AIFM1: variants seen among roughly 807,000 people sequenced by gnomAD.
The protein encoded by AIFM1 is apoptosis-inducing factor 1, mitochondrial.
In AIFM1, 3 loss-of-function variants were observed where a neutral mutation model predicts 51.7. The ratio of observed to expected loss-of-function variants is 0.06; its 90% CI spans 0.03 to 0.15. The LOEUF is 0.15. Ranked by LOEUF, AIFM1 falls within the 10% of genes least tolerant of loss-of-function variation. The pLI, the probability that AIFM1 is intolerant of heterozygous loss-of-function variation, is 1.00. For synonymous variants in AIFM1, 178 were observed against 179.4 expected (o/e 0.99, Z 0.06); for missense variants, 330 against 476.8 (o/e 0.69, Z 2.87).
chrX:130,149,609 G>A, intron 2 of AIFM1, 41 bp from the exon 3 acceptor site: 2 of 930,210 alleles, frequency 2.2e-6, no homozygotes, highest in Non-Finnish European at 1.6e-6. Context: ...TCACCATACA[G>A]CTAGCTCATA....
chrX:130,137,767 A>G (rs1355959124), intron 9 of AIFM1: 2 of 1,006,222 alleles, frequency 2.0e-6, no homozygotes, highest in African/African-American at 2.0e-5. Context: ...GAAAGGAAAG[A>G]AAGTATTGCT....
intron 1 of AIFM1, among the ~76,000 whole-genome samples, chrX:130,161,609 C>CTTTT (rs1224200767): frequency 1.0e-5 from 1 of 96,576 alleles, no homozygotes. Context: ...ATTTATCAGC[C>CTTTT]TTTTTTTTTT....
At chrX:130,163,661 G>A in intron 1 of AIFM1, among the ~76,000 whole-genome samples, 1 of 112,231 alleles carries the variant, frequency 8.9e-6, no homozygotes, top group Non-Finnish European at 1.9e-5. Flanking sequence ...AAGACATGCA[G>A]TGGAAAAAAC....
rs1220988295 is a variant in AIFM1 at position 130,131,689 on chromosome X, G to A, written c.1559C>T (p.Ala520Val). 8.3e-7 allele frequency: 1 copy of A among 1,210,346 alleles called. No homozygotes were observed. Among genetic ancestry groups the A allele is most frequent in the African/African-American group, 1.7e-5 (1 of 57,277 alleles). ...GACTTTCTTACCTGACTGCTCTGTGGCAGATTTGGGGTTGTCTTGTGCAGT... is the reference window on the plus strand; with the variant it reads ...GACTTTCTTACCTGACTGCTCTGTGACAGATTTGGGGTTGTCTTGTGCAGT... ...KATAQDNPKS[A>V]TEQSGTGIRS... The change falls in exon 14 of 16, where the codon GCC (alanine) becomes GTC (valine). Residue 520 changes from alanine to valine, a missense_variant. This residue lies in a region of AIFM1 where 56 missense variants were observed against 48.8 expected (regional missense o/e 1.15). Coordinates refer to ENST00000287295, the MANE Select transcript of AIFM1 (RefSeq NM_004208.4).
intron 13 of AIFM1, among the ~76,000 whole-genome samples, chrX:130,132,340 G>A (rs973393026): frequency 2.7e-5 from 3 of 112,123 alleles, no homozygotes; most frequent in African/African-American, 6.5e-5. Context: ...ATATCCATGC[G>A]GTGATTGAAA....
intron 11 of AIFM1, 80 bp from the exon 12 acceptor site, chrX:130,136,265 C>T (rs2030333467): frequency 9.1e-7 from 1 of 1,104,715 alleles, no homozygotes; most frequent in African/African-American, 1.8e-5. Context: ...CCCTTCATGC[C>T]ATTAAGAATT....
chrX:130,161,525 A>C (rs634483), intron 1 of AIFM1, among the ~76,000 whole-genome samples: 5,344 of 107,698 alleles, frequency 0.05, 201 homozygotes, highest in African/African-American at 0.12. Flanking sequence ...AAAAAAAAAA[A>C]AAAAAAACAC....
At chrX:130,143,927 C>T (rs1332880294) in intron 6 of AIFM1, among the ~76,000 whole-genome samples, 1 of 111,602 alleles carries the variant, frequency 9.0e-6, no homozygotes, top group Non-Finnish European at 1.9e-5. Flanking sequence ...GGTTCCAATT[C>T]TGTGGCTCAG....
At chrX:130,151,963 CCT>C (rs1429026231) in intron 2 of AIFM1, among the ~76,000 whole-genome samples, 3 of 110,022 alleles carry the variant, frequency 2.7e-5, no homozygotes, top group African/African-American at 6.6e-5. Context: ...CACCTGAACC[CCT>C]GAGGTGGCGG....
chrX:130,140,927 C>T (rs1344807140), intron 6 of AIFM1, among the ~76,000 whole-genome samples: 1 of 112,098 alleles, frequency 8.9e-6, no homozygotes, highest in Non-Finnish European at 1.9e-5. Context: ...ACCAGCCTGG[C>T]CAACATGGCG....
At chrX:130,164,609 G>A (rs990881939) in intron 1 of AIFM1, among the ~76,000 whole-genome samples, 2 of 111,758 alleles carry the variant, frequency 1.8e-5, no homozygotes, top group Non-Finnish European at 3.8e-5. Context: ...AACGCAGTAC[G>A]AAAAGAAGCA....
Position 130,154,911 on chromosome X carries a change from AAG to A in AIFM1, c.249+1548_249+1549del, listed in dbSNP as rs1392657073. On this transcript the variant is annotated intron_variant, in intron 2 of 15. Transcript: ENST00000287295. ...ATAAAATTGGCAAAAGTTTCAAAGA[AAG>A]AGTTAATGATGAGGATTTGTGATCA... 3.6e-5 allele frequency among the ~76,000 whole-genome samples: 4 copies of A among 112,492 alleles called. No homozygotes were observed. The Admixed American group carries it at 3.8e-4, about 11-fold the overall frequency.
At chrX:130,157,499 G>A (rs1014864806) in intron 1 of AIFM1, among the ~76,000 whole-genome samples, 2 of 111,965 alleles carry the variant, frequency 1.8e-5, no homozygotes, top group Admixed American at 9.5e-5. Context: ...TCAGCTTTCT[G>A]GGCCATTTGG....
At chrX:130,151,231 C>T (rs1013855037) in intron 2 of AIFM1, among the ~76,000 whole-genome samples, 1 of 108,570 alleles carries the variant, frequency 9.2e-6, no homozygotes, top group South Asian at 4.1e-4. Context: ...ACCTCTGCCT[C>T]CTGGGTTCAA....
At chrX:130,139,767 C>G in intron 8 of AIFM1, 28 bp downstream of exon 8, 2 of 1,198,818 alleles carry the variant, frequency 1.7e-6, no homozygotes, top group Non-Finnish European at 2.3e-6. Context: ...AAAAACAACA[C>G]AAGGAAAACA....
intron 6 of AIFM1, among the ~76,000 whole-genome samples, chrX:130,142,476 C>A (rs2030612445): frequency 9.0e-6 from 1 of 111,294 alleles, no homozygotes; most frequent in Non-Finnish European, 1.9e-5. Context: ...GGCATGAGGG[C>A]TCCCCACCAC....
chrX:130,147,411 G>A, intron 5 of AIFM1, 82 bp downstream of exon 5: 3 of 1,157,276 alleles, frequency 2.6e-6, no homozygotes, highest in South Asian at 1.8e-5. Context: ...TCCTATTACT[G>A]TACACAGTCA....
intron 2 of AIFM1, among the ~76,000 whole-genome samples, chrX:130,150,121 T>C (rs1205139493): frequency 1.8e-5 from 2 of 111,170 alleles, no homozygotes; most frequent in African/African-American, 6.6e-5. Context: ...ATCCTTTTCT[T>C]AAACTCACGA....
Position 130,145,494 on chromosome X carries a change from G to A in AIFM1, c.681C>T (p.Val227=). ...ACTAGCTCACCTTCTTCCCAGTGAG[G>A]ACAGCCACACCACCATTCTCAATAT... ...LPHIENGGVA[V]LTGKKVVQLD... The change falls in exon 6 of 16, where the codon GTC becomes GTT. Residue 227 remains valine, a synonymous_variant. Transcript: ENST00000287295. The A allele has an allele frequency of 8.3e-7, 1 of 1,209,647 alleles. No homozygotes were observed. Among genetic ancestry groups the A allele is most frequent in the Admixed American group, 2.2e-5 (1 of 45,991 alleles).
Sources: gnomAD v4.1 joint callset for allele counts (sites outside exome capture counted in the v4.1 genomes callset) on GRCh38, gnomAD v4.1.1 for gene constraint, gnomAD v4.1.1 regional missense constraint, MANE v1.5 for transcripts, NCBI Gene and HGNC (gene_info 2026-07-23, HGNC 2026-07-21) for gene names.